Variants in APP observed in about 807,000 individuals in gnomAD.
The protein encoded by APP is amyloid-beta precursor protein.
In APP, 31 loss-of-function variants were observed where a neutral mutation model predicts 101.4. That is an observed-to-expected ratio of 0.31 (90% confidence interval 0.23 to 0.41). The LOEUF is 0.41. Ranked by LOEUF, APP falls within the 10% of genes least tolerant of loss-of-function variation. APP has a pLI of 1.00. For missense variants in APP, 839 were observed against 1,003.7 expected (o/e 0.84, Z 2.22); for synonymous variants, 366 against 364.4 (o/e 1.00, Z -0.05).
chr21:26,070,817 G>GT (rs1199019937), intron 3 of APP, among the ~76,000 whole-genome samples: 9 of 152,124 alleles, frequency 5.9e-5, no homozygotes, highest in Admixed American at 1.3e-4. Flanking sequence ...CCTCAATAAT[G>GT]TAAGTTTAAA....
At chr21:25,882,064 T>A (rs1236513800) in intron 17 of APP, among the ~76,000 whole-genome samples, 1 of 152,026 alleles carries the variant, frequency 6.6e-6, no homozygotes, top group Non-Finnish European at 1.5e-5. Flanking sequence ...ATAAACCCAG[T>A]GCAATGGTAT....
At chr21:25,918,478 T>C (rs2039464965) in intron 13 of APP, among the ~76,000 whole-genome samples, 1 of 151,962 alleles carries the variant, frequency 6.6e-6, no homozygotes, top group African/African-American at 2.4e-5. Flanking sequence ...ACCGGGTTCA[T>C]CTCACTAGGG....
At chr21:26,069,143 C>T (rs866673286) in intron 3 of APP, among the ~76,000 whole-genome samples, 12 of 152,174 alleles carry the variant, frequency 7.9e-5, no homozygotes, top group Middle Eastern at 3.2e-3. Context: ...ATATAGGCCC[C>T]GTTGATCGAT....
intron 13 of APP, among the ~76,000 whole-genome samples, chr21:25,913,268 G>C (rs558046773): frequency 8.1e-4 from 124 of 152,252 alleles, no homozygotes; most frequent in South Asian, 1.9e-3. Flanking sequence ...CAGTTTTATT[G>C]CAAGTGATTT....
chr21:26,101,039 T>C (rs762916968), intron 2 of APP, among the ~76,000 whole-genome samples: 1 of 151,878 alleles, frequency 6.6e-6, no homozygotes, highest in Non-Finnish European at 1.5e-5. Context: ...CACTGCATGT[T>C]ATTAAAAGAA....
Position 25,970,953 on chromosome 21 carries a change from G to A in APP, c.1458+4117C>T, listed in dbSNP as rs375572129. ...ACTTTCTGGTTAAGTTGCATAAAATGCACAAACAATTCCAGCCAAGATTGA... is the reference window on the plus strand; with the variant it reads ...ACTTTCTGGTTAAGTTGCATAAAATACACAAACAATTCCAGCCAAGATTGA... On this transcript the variant is annotated intron_variant, in intron 11 of 17. Transcript: ENST00000346798. 9.2e-5 allele frequency among the ~76,000 whole-genome samples: 14 copies of A among 152,212 alleles called. No individual in the cohort carries two copies. In the South Asian group the frequency reaches 1.0e-3, roughly 11 times the overall value.
At chr21:26,165,643 T>C (rs551800934) in intron 1 of APP, among the ~76,000 whole-genome samples, 1 of 152,218 alleles carries the variant, frequency 6.6e-6, no homozygotes, top group Non-Finnish European at 1.5e-5. Flanking sequence ...AGGTGACATT[T>C]TTAAAAACCT....
At chr21:26,143,600 G>A (rs571959569) in intron 1 of APP, among the ~76,000 whole-genome samples, 5 of 152,102 alleles carry the variant, frequency 3.3e-5, no homozygotes, top group African/African-American at 7.2e-5. Flanking sequence ...TCTCGCAGAC[G>A]TTTTCAAGTG....
chr21:26,102,341 G>A (rs1401518427), intron 2 of APP, among the ~76,000 whole-genome samples: 3 of 151,786 alleles, frequency 2.0e-5, no homozygotes, highest in East Asian at 1.9e-4. Context: ...TGCCCGCCTC[G>A]GCCTCCCAAA....
chr21:26,002,595 G>T (rs568874894), intron 6 of APP, among the ~76,000 whole-genome samples: 1 of 152,294 alleles, frequency 6.6e-6, no homozygotes, highest in South Asian at 2.1e-4. Context: ...CAATAAGACT[G>T]CAAGGCAGCA....
intron 1 of APP, among the ~76,000 whole-genome samples, chr21:26,136,041 G>A (rs1190333454): frequency 6.6e-6 from 1 of 150,808 alleles, no homozygotes; most frequent in African/African-American, 2.5e-5. Flanking sequence ...TGAGGCAGGA[G>A]AATCGCTTGA....
intron 11 of APP, among the ~76,000 whole-genome samples, chr21:25,962,097 G>A (rs549453003): frequency 4.6e-5 from 7 of 152,192 alleles, no homozygotes; most frequent in African/African-American, 9.6e-5. Context: ...TAATTATACC[G>A]AATCCTATTT....
intron 8 of APP, among the ~76,000 whole-genome samples, chr21:25,996,264 C>G (rs773263390): frequency 2.6e-5 from 4 of 152,150 alleles, no homozygotes; most frequent in Non-Finnish European, 5.9e-5. Context: ...AGGTGAGCAC[C>G]TCTAACCTAC....
At chr21:25,886,585 G>C (rs1361539307) in intron 17 of APP, among the ~76,000 whole-genome samples, 1 of 152,024 alleles carries the variant, frequency 6.6e-6, no homozygotes, top group African/African-American at 2.4e-5. Context: ...ATTAGAGACA[G>C]GGTCTCACCA....
chr21:26,086,557 G>A (rs1239125138), intron 3 of APP, among the ~76,000 whole-genome samples: 1 of 19,718 alleles, frequency 5.1e-5, no homozygotes, highest in Non-Finnish European at 9.4e-5. Context: ...TGTTTGCTAG[G>A]TCAGTAAAAA....
At chr21:26,035,471 G>A (rs1023118092) in intron 5 of APP, among the ~76,000 whole-genome samples, 1 of 152,134 alleles carries the variant, frequency 6.6e-6, no homozygotes, top group Admixed American at 6.5e-5. Flanking sequence ...AGGTAGGGAG[G>A]AGCTGGGTCA....
chr21:26,171,076 C>T (rs1171958338), upstream of APP: 1 of 154,800 alleles, frequency 6.5e-6, no homozygotes, highest in East Asian at 1.9e-4. Flanking sequence ...CGCTGAGGCT[C>T]TAGAAAAGTC....
At chr21:25,929,749 T>A (rs1443604840) in intron 13 of APP, among the ~76,000 whole-genome samples, 1 of 152,068 alleles carries the variant, frequency 6.6e-6, no homozygotes, top group South Asian at 2.1e-4. Context: ...GAAAAAAAAA[T>A]TCCTCAAATA....
At chr21:25,892,714 A>G (rs1363052561) in intron 16 of APP, among the ~76,000 whole-genome samples, 1 of 152,226 alleles carries the variant, frequency 6.6e-6, no homozygotes, top group Non-Finnish European at 1.5e-5. Context: ...AATTTCATTT[A>G]CTGCACTACA....
Sources: allele counts gnomAD v4.1 joint callset (sites outside exome capture counted in the v4.1 genomes callset), GRCh38; gene constraint gnomAD v4.1.1; transcripts MANE v1.5; gene names NCBI Gene and HGNC (gene_info 2026-07-23, HGNC 2026-07-21).